The following KCNH7 variants were observed in gnomAD, a reference collection of about 807,000 sequenced individuals.
KCNH7 encodes the protein voltage-gated inwardly rectifying potassium channel KCNH7.
KCNH7 carries 49 observed loss-of-function variants against 120.8 expected under a neutral mutation model. The observed-to-expected ratio is 0.41, with a 90% CI of 0.32 to 0.51. KCNH7 has a LOEUF of 0.51. KCNH7 is among the 20% of genes least tolerant of loss of function. KCNH7 has a pLI of 0.38. For synonymous variants in KCNH7, 547 were observed against 516.1 expected, an observed-to-expected ratio of 1.06 and a Z score of -0.81; for missense variants, 1,097 against 1,446.6, an observed-to-expected ratio of 0.76 and a Z score of 3.92.
At chr2:162,487,264 G>T (rs927353143) in intron 6 of KCNH7, among the ~76,000 whole-genome samples, 2 of 152,106 alleles carry the variant, frequency 1.3e-5, no homozygotes, top group Non-Finnish European at 2.9e-5. Flanking sequence ...GACATAACTT[G>T]CAATAGCAAT....
intron 2 of KCNH7, among the ~76,000 whole-genome samples, chr2:162,594,095 G>C (rs1024755807): frequency 6.6e-6 from 1 of 151,872 alleles, no homozygotes; most frequent in Admixed American, 6.6e-5. Context: ...TTTCAAATTA[G>C]ACCTTCCAAA....
intron 2 of KCNH7, among the ~76,000 whole-genome samples, chr2:162,607,257 C>A (rs1010999187): frequency 2.0e-5 from 3 of 150,168 alleles, no homozygotes; most frequent in Non-Finnish European, 4.4e-5. Context: ...GAGCATGGTG[C>A]TGCGCACCTG....
intron 2 of KCNH7, among the ~76,000 whole-genome samples, chr2:162,752,637 G>A (rs1054647828): frequency 1.6e-4 from 25 of 151,992 alleles, no homozygotes; most frequent in Admixed American, 9.9e-4. Context: ...AGTGGCTCAC[G>A]TCTGTAATCC....
At chr2:162,474,646 C>T (rs1689672618) in intron 6 of KCNH7, among the ~76,000 whole-genome samples, 1 of 152,230 alleles carries the variant, frequency 6.6e-6, no homozygotes, top group Admixed American at 6.5e-5. Flanking sequence ...TGGCTTCTGT[C>T]TGTGTGCACT....
chr2:162,427,482 AT>A (rs1327452990), intron 8 of KCNH7, among the ~76,000 whole-genome samples: 1 of 151,950 alleles, frequency 6.6e-6, no homozygotes, highest in Non-Finnish European at 1.5e-5. Context: ...TCATGACTTT[AT>A]TCATCATTCA....
At chr2:162,498,215 G>A (rs1690559243) in intron 6 of KCNH7, among the ~76,000 whole-genome samples, 1 of 151,906 alleles carries the variant, frequency 6.6e-6, no homozygotes, top group African/African-American at 2.4e-5. Context: ...TTCCTCTTAT[G>A]TAATAAAGGC....
intron 2 of KCNH7, among the ~76,000 whole-genome samples, chr2:162,770,233 G>T (rs1347392): frequency 0.28 from 42,348 of 151,140 alleles, 6,867 homozygotes; most frequent in African/African-American, 0.45. Flanking sequence ...AAATTTGAAG[G>T]AATTTAGAGA....
chr2:162,642,769 A>G (rs1011114300), intron 2 of KCNH7, among the ~76,000 whole-genome samples: 1 of 152,204 alleles, frequency 6.6e-6, no homozygotes, highest in Non-Finnish European at 1.5e-5. Context: ...AATCCACATC[A>G]TCATGCAGCT....
intron 6 of KCNH7, among the ~76,000 whole-genome samples, chr2:162,487,373 C>T (rs1256193535): frequency 6.6e-6 from 1 of 152,016 alleles, no homozygotes; most frequent in African/African-American, 2.4e-5. Context: ...TCCAAGTTTG[C>T]CTGATCTTAA....
chr2:162,568,934 T>C (rs1448305097), intron 2 of KCNH7, among the ~76,000 whole-genome samples: 2 of 152,154 alleles, frequency 1.3e-5, no homozygotes, highest in Non-Finnish European at 2.9e-5. Flanking sequence ...AGTATTTTAT[T>C]GAGGATTTTT....
intron 2 of KCNH7, among the ~76,000 whole-genome samples, chr2:162,673,290 T>C (rs536614826): frequency 6.6e-6 from 1 of 152,052 alleles, no homozygotes; most frequent in South Asian, 2.1e-4. Flanking sequence ...ATATAGCAAA[T>C]GGTTTTATGT....
At chr2:162,403,105 A>T (rs1301597855) in intron 9 of KCNH7, among the ~76,000 whole-genome samples, 1 of 151,988 alleles carries the variant, frequency 6.6e-6, no homozygotes, top group Admixed American at 6.6e-5. Context: ...TTTGATTCAC[A>T]AAAGATTTTT....
intron 2 of KCNH7, among the ~76,000 whole-genome samples, chr2:162,593,131 C>T (rs1464849253): frequency 1.3e-5 from 2 of 152,038 alleles, no homozygotes; most frequent in African/African-American, 4.8e-5. Context: ...TTTGGCAACT[C>T]TTTCAAAATA....
intron 2 of KCNH7, among the ~76,000 whole-genome samples, chr2:162,610,005 G>A (rs1467292514): frequency 6.6e-6 from 1 of 152,160 alleles, no homozygotes; most frequent in Non-Finnish European, 1.5e-5. Flanking sequence ...GGGAGCTTGG[G>A]GAAGATGACA....
intron 2 of KCNH7, among the ~76,000 whole-genome samples, chr2:162,762,093 C>G (rs1486622048): frequency 6.6e-6 from 1 of 151,916 alleles, no homozygotes; most frequent in Non-Finnish European, 1.5e-5. Flanking sequence ...CCCTTTCTTT[C>G]TGCTTCCCTC....
In KCNH7 at chr2:162,642,064, T is replaced by A. The variant is rs146625123; in HGVS notation, c.308-104984A>T. On this transcript the variant is annotated intron_variant, in intron 2 of 15. Coordinates refer to ENST00000332142, the MANE Select transcript of KCNH7 (RefSeq NM_033272.4). ...ACATATTTCAAATGAAACTAAAGAC[T>A]CTTCAGCCCAATAAATTCCAATAGA... Among the ~76,000 whole-genome samples, 379 of 152,236 alleles carry A rather than the reference T, an allele frequency of 2.5e-3. 2 individuals carry two copies. Among genetic ancestry groups the A allele is most frequent in the African/African-American group, 8.5e-3 (355 of 41,548 alleles).
At chr2:162,736,279 T>G (rs1687907338) in intron 2 of KCNH7, among the ~76,000 whole-genome samples, 1 of 152,178 alleles carries the variant, frequency 6.6e-6, no homozygotes, top group African/African-American at 2.4e-5. Context: ...CAAAATTAAA[T>G]GTGATTATAG....
At chr2:162,649,308 T>G (rs1244034581) in intron 2 of KCNH7, among the ~76,000 whole-genome samples, 1 of 152,208 alleles carries the variant, frequency 6.6e-6, no homozygotes, top group Non-Finnish European at 1.5e-5. Context: ...GTCACAAGAC[T>G]TTTTGTTTTG....
intron 2 of KCNH7, among the ~76,000 whole-genome samples, chr2:162,742,177 G>A (rs1688160356): frequency 6.6e-6 from 1 of 152,294 alleles, no homozygotes; most frequent in Non-Finnish European, 1.5e-5. Context: ...AGAAGTAGGA[G>A]TGGTATGGAT....
Sources: allele counts gnomAD v4.1 joint callset (sites outside exome capture counted in the v4.1 genomes callset), GRCh38; gene constraint gnomAD v4.1.1; transcripts MANE v1.5; gene names NCBI Gene and HGNC (gene_info 2026-07-23, HGNC 2026-07-21).